Variants in PTPRG observed in about 807,000 individuals in gnomAD.
The protein encoded by PTPRG is protein tyrosine phosphatase receptor type G, also known as receptor-type tyrosine-protein phosphatase gamma.
In PTPRG, 102 loss-of-function variants were observed where a neutral mutation model predicts 165.3. That is an observed-to-expected ratio of 0.62 (90% CI 0.53 to 0.73). The LOEUF (loss-of-function observed/expected upper bound fraction) is 0.73, where lower values mean the gene tolerates loss of function less well. Among genes scored for constraint, PTPRG ranks in the 30% least tolerant of loss-of-function variants. The probability of loss-of-function intolerance (pLI) is 0.00; values close to 1 mark genes in which losing one functional copy is unlikely to be tolerated. For synonymous variants in PTPRG, 675 were observed against 669.5 expected (o/e 1.01, Z -0.13); for missense variants, 1,866 against 1,861.4 (o/e 1.00, Z -0.05).
chr3:61,947,631 G>T (rs2039793143), intron 2 of PTPRG, among the ~76,000 whole-genome samples: 4 of 152,154 alleles, frequency 2.6e-5, no homozygotes, highest in Admixed American at 2.6e-4. Flanking sequence ...AAAAGTCTGG[G>T]GCTGGTTCTG....
At position 61,798,619 on chromosome 3, in the gene PTPRG, G is replaced by GTTTT. The variant is rs375412571; in HGVS notation, c.190+49653_190+49656dup. Among the ~76,000 whole-genome samples the GTTTT allele has an allele frequency of 4.5e-3, 581 of 128,104 alleles. 3 individuals carry two copies. The highest frequency in any genetic ancestry group is 5.5e-3 in the Non-Finnish European group (336 of 61,620). The allele number at this position is 128,104 out of a possible 152,430, so 84.0% of individuals were successfully genotyped here. A position where few individuals can be genotyped will look rare whatever the true frequency, so the allele number is the denominator to read the frequency against. ...CAAAGTGCTGTTGTTGTTGCTGCTG[G>GTTTT]TTTTTTTTTTTTTTTTTTTAAACCC... On this transcript the variant is annotated intron_variant, in intron 2 of 29. Transcript: ENST00000474889.
At chr3:62,154,749 A>G (rs755422614) in intron 6 of PTPRG, among the ~76,000 whole-genome samples, 42 of 152,130 alleles carry the variant, frequency 2.8e-4, no homozygotes, top group Non-Finnish European at 5.3e-4. Flanking sequence ...TCTGAGGGGA[A>G]AACTCTTCTG....
At chr3:61,621,567 T>C (rs550032894) in intron 1 of PTPRG, among the ~76,000 whole-genome samples, 1 of 152,290 alleles carries the variant, frequency 6.6e-6, no homozygotes, top group South Asian at 2.1e-4. Flanking sequence ...CCTCCCTCTT[T>C]CTCTCTCTGT....
chr3:62,017,291 A>G (rs1020684131), intron 4 of PTPRG, among the ~76,000 whole-genome samples: 7 of 152,306 alleles, frequency 4.6e-5, no homozygotes, highest in Non-Finnish European at 1.0e-4. Flanking sequence ...AGCAAATCCT[A>G]CCCCAAAAGT....
At chr3:61,775,697 A>G (rs1268542753) in intron 2 of PTPRG, among the ~76,000 whole-genome samples, 1 of 152,132 alleles carries the variant, frequency 6.6e-6, no homozygotes, top group African/African-American at 2.4e-5. Context: ...ACAATGATAG[A>G]CTGGATTAAG....
At chr3:62,250,849 T>G (rs1036261481) in intron 15 of PTPRG, among the ~76,000 whole-genome samples, 1 of 152,136 alleles carries the variant, frequency 6.6e-6, no homozygotes, top group African/African-American at 2.4e-5. Context: ...CAAAAGTACA[T>G]AAGAAGGTTT....
At chr3:61,907,709 G>T (rs2038691428) in intron 2 of PTPRG, among the ~76,000 whole-genome samples, 1 of 152,150 alleles carries the variant, frequency 6.6e-6, no homozygotes, top group Admixed American at 6.5e-5. Flanking sequence ...TGGTTGCTTT[G>T]ATCTTATCTG....
At chr3:62,126,795 C>T (rs914449460) in intron 5 of PTPRG, among the ~76,000 whole-genome samples, 26 of 152,180 alleles carry the variant, frequency 1.7e-4, no homozygotes, top group African/African-American at 6.3e-4. Context: ...CTCCTTTTTC[C>T]TTTGCCATTC....
chr3:62,064,828 G>A (rs2106703720), intron 4 of PTPRG, among the ~76,000 whole-genome samples: 1 of 144,302 alleles, frequency 6.9e-6, no homozygotes, highest in African/African-American at 2.6e-5. Context: ...CAGCTCCCTG[G>A]TTCAAGTGAT....
At chr3:61,897,116 T>C (rs1390507562) in intron 2 of PTPRG, among the ~76,000 whole-genome samples, 2 of 152,156 alleles carry the variant, frequency 1.3e-5, no homozygotes, top group African/African-American at 4.8e-5. Flanking sequence ...AATTTTCCTT[T>C]TATAGATCAT....
At chr3:61,592,416 G>A (rs998428786) in intron 1 of PTPRG, among the ~76,000 whole-genome samples, 2 of 152,112 alleles carry the variant, frequency 1.3e-5, no homozygotes, top group East Asian at 3.9e-4. Context: ...TGTTGGATGA[G>A]CCCAAACTGC....
intron 4 of PTPRG, among the ~76,000 whole-genome samples, chr3:62,027,494 GT>G (rs1699601798): frequency 6.6e-6 from 1 of 152,296 alleles, no homozygotes; most frequent in Admixed American, 6.5e-5. Context: ...AGCAGCCAGT[GT>G]CTTCAGTGTT....
chr3:61,789,089 CTTTTCTTTTCTTT>C (rs1408344465), intron 2 of PTPRG, among the ~76,000 whole-genome samples: 2 of 151,928 alleles, frequency 1.3e-5, no homozygotes, highest in Admixed American at 1.3e-4. Context: ...TTCTTTCCTC[CTTTTCTTTTCTTT>C]TTTTCTTTTT....
At chr3:61,687,907 T>G (rs1703687119) in intron 1 of PTPRG, among the ~76,000 whole-genome samples, 1 of 152,200 alleles carries the variant, frequency 6.6e-6, no homozygotes, top group South Asian at 2.1e-4. Flanking sequence ...GACAATTTAA[T>G]CACATGCCAT....
chr3:62,181,151 T>C (rs1408881571), intron 8 of PTPRG, among the ~76,000 whole-genome samples: 1 of 152,194 alleles, frequency 6.6e-6, no homozygotes, highest in Admixed American at 6.5e-5. Context: ...GAAGACACCA[T>C]GGATTTAAAA....
intron 2 of PTPRG, among the ~76,000 whole-genome samples, chr3:61,969,711 C>A (rs560740176): frequency 3.3e-5 from 5 of 152,208 alleles, no homozygotes; most frequent in East Asian, 1.9e-4. Context: ...CACATCTGGT[C>A]ATTGGGACTA....
intron 2 of PTPRG, among the ~76,000 whole-genome samples, chr3:61,817,199 T>A (rs2035810833): frequency 7.3e-6 from 1 of 137,314 alleles, no homozygotes; most frequent in South Asian, 2.2e-4. Context: ...ATAATATATA[T>A]AATAATATAA....
At chr3:61,753,628 A>T (rs1419004975) in intron 2 of PTPRG, 3 of 400,730 alleles carry the variant, frequency 7.5e-6, no homozygotes, top group African/African-American at 7.2e-5. Flanking sequence ...TCTTTCACCC[A>T]GGCTGGAGTG....
intron 2 of PTPRG, among the ~76,000 whole-genome samples, chr3:61,967,205 A>C (rs2040290616): frequency 2.0e-5 from 3 of 152,206 alleles, no homozygotes. Context: ...GGCCTATTGC[A>C]GTTATCACAG....
Sources: allele counts gnomAD v4.1 joint callset (sites outside exome capture counted in the v4.1 genomes callset), GRCh38; gene constraint gnomAD v4.1.1; transcripts MANE v1.5; gene names NCBI Gene and HGNC (gene_info 2026-07-23, HGNC 2026-07-21).